Variants in CDH2 observed in about 807,000 individuals in gnomAD.
CDH2 encodes cadherin 2, also known as cadherin-2.
In CDH2, 17 loss-of-function variants were observed where a neutral mutation model predicts 92.0. That is an observed-to-expected ratio of 0.18 (90% CI 0.13 to 0.28). The LOEUF (loss-of-function observed/expected upper bound fraction) is 0.28. Ranked by LOEUF, CDH2 falls within the 10% of genes least tolerant of loss-of-function variation. The probability of loss-of-function intolerance (pLI) is 1.00; values close to 1 mark genes in which losing one functional copy is unlikely to be tolerated. For synonymous variants in CDH2, 419 were observed against 415.9 expected (o/e 1.01, Z -0.09); for missense variants, 862 against 1,133.1 (o/e 0.76, Z 3.44).
chr18:28,152,589 G>C lies in CDH2; in HGVS notation c.61-4805C>G, dbSNP rs892311992. On this transcript the variant is annotated intron_variant, in intron 1 of 15. Transcript: ENST00000269141. The stretch of plus-strand genomic sequence containing the variant: ...CATAGTGCCTGGGGAATAACAATGA[G>C]TTCAGTGTCGCCGGAGTCCAAGAAG... 3.3e-5 allele frequency among the ~76,000 whole-genome samples: 5 copies of C among 152,188 alleles called. No individual in the cohort carries two copies. The East Asian group carries it at 9.7e-4, about 29-fold the overall frequency.
intron 2 of CDH2, among the ~76,000 whole-genome samples, chr18:28,079,700 C>G (rs2014790278): frequency 6.6e-6 from 1 of 152,278 alleles, no homozygotes; most frequent in East Asian, 1.9e-4. Context: ...AAGGGGAGAG[C>G]CCTGTTAAGC....
chr18:28,008,746 A>T (rs636422), intron 5 of CDH2, among the ~76,000 whole-genome samples: 1,481 of 147,890 alleles, frequency 0.01, 26 homozygotes, highest in African/African-American at 0.035. Flanking sequence ...GTATAATATA[A>T]AAAAAAAAAA....
At chr18:28,087,794 AAAAACAAAACAAAAC>A (rs146337361) in intron 2 of CDH2, among the ~76,000 whole-genome samples, 5 of 151,376 alleles carry the variant, frequency 3.3e-5, no homozygotes, top group Admixed American at 6.6e-5. Context: ...AATGAAAATA[AAAAACAAAACAAAAC>A]AAAACAAAAC....
At position 27,992,844 on chromosome 18, in the gene CDH2, C is replaced by G; in HGVS notation, c.1159-4G>C. The G allele has an allele frequency of 6.2e-7, 1 of 1,610,028 alleles. No individual in the cohort carries two copies. The highest frequency in any genetic ancestry group is 1.1e-5 in the South Asian group (1 of 90,428). On this transcript the variant is annotated splice_region_variant and splice_polypyrimidine_tract_variant and intron_variant, in intron 8 of 15. Coordinates refer to ENST00000269141, the MANE Select transcript of CDH2 (RefSeq NM_001792.5). ...TCTCAGGAACTTCACCATAAAACTG[C>G]GAGAAAGACAAACCTCAGTCAGAGG... is the stretch of plus-strand genomic sequence containing the variant.
chr18:27,985,077 T>C lies in CDH2; in HGVS notation c.2132A>G (p.Asp711Gly). The part of the protein sequence containing the change: ...CQCDSNGDCT[D>G]VDRIVGAGLG... Reference sequence around the variant, plus strand: ...CCCCGCACCCACAATCCTGTCCACATCTGTGCAGTCCCCGTTGGAGTCACA... The same window carrying C: ...CCCCGCACCCACAATCCTGTCCACACCTGTGCAGTCCCCGTTGGAGTCACA... The change falls in exon 13 of 16, where the codon GAT becomes GGT. Residue 711 changes from aspartate (D) to glycine (G), a missense_variant. This residue lies in a region of CDH2 where 564 missense variants were observed against 722.2 expected (regional missense o/e 0.78). Transcript: ENST00000269141. 6.2e-7 allele frequency: 1 copy of C among 1,614,166 alleles called. No individual in the cohort carries two copies. Among genetic ancestry groups the C allele is most frequent in the Non-Finnish European group, 8.5e-7 (1 of 1,180,012 alleles).
At chr18:28,113,837 TAA>T (rs1438121002) in intron 2 of CDH2, among the ~76,000 whole-genome samples, 1 of 152,126 alleles carries the variant, frequency 6.6e-6, no homozygotes, top group African/African-American at 2.4e-5. Context: ...GAGTAATTTA[TAA>T]AAGACTGAGT....
chr18:27,986,746 T>G (rs2143959320), intron 11 of CDH2, among the ~76,000 whole-genome samples: 1 of 152,288 alleles, frequency 6.6e-6, no homozygotes, highest in Non-Finnish European at 1.5e-5. Context: ...ATGATGGTTC[T>G]AAGAGCAGGG....
At chr18:28,126,889 CA>C (rs2015686489) in intron 2 of CDH2, among the ~76,000 whole-genome samples, 2 of 152,106 alleles carry the variant, frequency 1.3e-5, no homozygotes, top group Admixed American at 1.3e-4. Context: ...AAAGATATGA[CA>C]ATGTGATCAC....
chr18:28,062,921 C>T (rs574625676), intron 2 of CDH2, among the ~76,000 whole-genome samples: 1 of 152,124 alleles, frequency 6.6e-6, no homozygotes, highest in South Asian at 2.1e-4. Context: ...TGCAGAGAGC[C>T]GAGATCACGC....
intron 2 of CDH2, among the ~76,000 whole-genome samples, chr18:28,070,064 C>A (rs2014586717): frequency 6.6e-6 from 1 of 152,102 alleles, no homozygotes. Context: ...TTAATCCAAT[C>A]TTCACAGAAT....
intron 3 of CDH2, among the ~76,000 whole-genome samples, chr18:28,012,308 A>G (rs1043664974): frequency 6.6e-6 from 1 of 152,172 alleles, no homozygotes; most frequent in Non-Finnish European, 1.5e-5. Context: ...ACCCTTTTAT[A>G]TATTTCTCAT....
chr18:28,127,773 G>A (rs1223807753), intron 2 of CDH2, among the ~76,000 whole-genome samples: 2 of 152,108 alleles, frequency 1.3e-5, no homozygotes, highest in African/African-American at 4.8e-5. Context: ...TTTCATAAAG[G>A]GACACAAATG....
Position 28,147,794 on chromosome 18 carries a change from AAG to A in CDH2, c.61-12_61-11del. The A allele has an allele frequency of 1.4e-6, 2 of 1,467,116 alleles. No individual in the cohort carries two copies. Among genetic ancestry groups the A allele is most frequent in the Admixed American group, 1.9e-5 (1 of 53,156 alleles). 90.9% of individuals were successfully genotyped at this position (1,467,116 alleles called of 1,614,324 possible). A position where few individuals can be genotyped will look rare whatever the true frequency, so the allele number is the denominator to read the frequency against. On this transcript the variant is annotated splice_polypyrimidine_tract_variant and intron_variant, in intron 1 of 15. Transcript: ENST00000269141. ...AAGCCTCTACAGACGCCTGCAACAC[AAG>A]AAAAAAAAAAAAAATGTGTGCAATG...
intron 6 of CDH2, among the ~76,000 whole-genome samples, chr18:27,943,599 G>A (rs895922264): frequency 2.0e-5 from 3 of 152,178 alleles, no homozygotes; most frequent in African/African-American, 4.8e-5. Context: ...TCTATAAGAC[G>A]TGATGAAGTA....
intron 6 of CDH2, among the ~76,000 whole-genome samples, chr18:28,003,843 A>G (rs1369518255): frequency 1.3e-5 from 2 of 152,240 alleles, no homozygotes; most frequent in African/African-American, 4.8e-5. Flanking sequence ...GAATTAGTTC[A>G]AACTAGCTAG....
intron 14 of CDH2, among the ~76,000 whole-genome samples, chr18:27,977,609 T>C (rs913693042): frequency 2.0e-5 from 3 of 152,054 alleles, no homozygotes; most frequent in Admixed American, 6.5e-5. Context: ...TCAGGCTAAT[T>C]TTCTGGAGAC....
intron 2 of CDH2, among the ~76,000 whole-genome samples, chr18:28,051,827 A>T (rs1567979612): frequency 1.3e-5 from 2 of 152,162 alleles, no homozygotes; most frequent in African/African-American, 4.8e-5. Context: ...TAATAATGAT[A>T]ATTATGTCAT....
chr18:28,109,813 T>C (rs1002559211), intron 2 of CDH2, among the ~76,000 whole-genome samples: 13 of 152,220 alleles, frequency 8.5e-5, no homozygotes, highest in African/African-American at 2.7e-4. Flanking sequence ...TATGAAATTA[T>C]AGATTCTTAC....
intron 2 of CDH2, among the ~76,000 whole-genome samples, chr18:28,048,002 T>C (rs2014115628): frequency 6.6e-6 from 1 of 152,058 alleles, no homozygotes; most frequent in Admixed American, 6.6e-5. Context: ...AACTTCTTCA[T>C]TACAGTTTTG....
Sources: gnomAD v4.1 joint callset for allele counts (sites outside exome capture counted in the v4.1 genomes callset) on GRCh38, gnomAD v4.1.1 for gene constraint, gnomAD v4.1.1 regional missense constraint, MANE v1.5 for transcripts, NCBI Gene and HGNC (gene_info 2026-07-23, HGNC 2026-07-21) for gene names.